Variants in TLN2 observed in about 807,000 individuals in gnomAD.
The protein encoded by TLN2 is talin 2.
In TLN2, 118 loss-of-function variants were observed where a neutral mutation model predicts 294.7. The observed-to-expected ratio is 0.40, with a 90% CI of 0.34 to 0.47. TLN2 has a LOEUF of 0.47. TLN2 is among the 20% of genes least tolerant of loss of function. TLN2 has a pLI of 0.84. For missense variants in TLN2, 3,083 were observed against 3,282.2 expected (o/e 0.94, Z 1.48); for synonymous variants, 1,431 against 1,304.5 (o/e 1.10, Z -2.09).
At chr15:62,589,806 A>C (rs896255884) in intron 2 of TLN2, 44 bp downstream of exon 2, 4 of 152,108 alleles carry the variant, frequency 2.6e-5, no homozygotes, top group African/African-American at 9.7e-5. Context: ...CAATTGGCCA[A>C]TCCCCTGCAT....
In TLN2 at chr15:62,843,655, G is replaced by C. The variant is rs1486022900; in HGVS notation, c.*3045G>C. The C allele has an allele frequency of 6.6e-6, 1 of 152,298 alleles. No individual in the cohort carries two copies. The highest frequency in any genetic ancestry group is 2.4e-5 in the African/African-American group (1 of 41,474). 9.4% of individuals were successfully genotyped at this position (152,298 alleles called of 1,614,324 possible). A position where few individuals can be genotyped will look rare whatever the true frequency, so the allele number is the denominator to read the frequency against. Reference sequence around the variant, plus strand: ...ACCTGCTTGCTTTCTGGCTGTCTTAGTCAGTGTGTTTACAGGCAACTAAAG... The same window carrying C: ...ACCTGCTTGCTTTCTGGCTGTCTTACTCAGTGTGTTTACAGGCAACTAAAG... On this transcript the variant is annotated 3_prime_UTR_variant, in exon 59 of 59. Transcript: ENST00000636159.
chr15:62,677,252 C>A (rs1025652259), intron 11 of TLN2, among the ~76,000 whole-genome samples: 1 of 152,202 alleles, frequency 6.6e-6, no homozygotes, highest in Non-Finnish European at 1.5e-5. Flanking sequence ...TTCATCATGT[C>A]CACTGATAAT....
chr15:62,739,333 G>C lies in TLN2; in HGVS notation c.3688-15G>C. The stretch of plus-strand genomic sequence containing the variant: ...AGCAGAATGTCTCATGGGGTGTGCC[G>C]TCTGTTCCCCACAGCTACCTCCAAG... On this transcript the variant is annotated splice_polypyrimidine_tract_variant and intron_variant, in intron 30 of 58. Transcript: ENST00000636159. 6.2e-7 allele frequency: 1 copy of C among 1,608,984 alleles called. No homozygotes were observed. Among genetic ancestry groups the C allele is most frequent in the Non-Finnish European group, 8.5e-7 (1 of 1,177,374 alleles).
intron 1 of TLN2, among the ~76,000 whole-genome samples, chr15:62,488,872 A>G (rs745924644): frequency 6.6e-6 from 1 of 152,206 alleles, no homozygotes; most frequent in Non-Finnish European, 1.5e-5. Flanking sequence ...GGTTAAATAT[A>G]TAAATATAGG....
At chr15:62,502,674 A>G (rs1052974610) in intron 1 of TLN2, among the ~76,000 whole-genome samples, 1 of 152,188 alleles carries the variant, frequency 6.6e-6, no homozygotes, top group Non-Finnish European at 1.5e-5. Flanking sequence ...TGGCCTGGCT[A>G]GGGGAGAGGA....
chr15:62,711,082 G>A (rs1051144892), intron 21 of TLN2, among the ~76,000 whole-genome samples: 1 of 152,040 alleles, frequency 6.6e-6, no homozygotes, highest in Admixed American at 6.6e-5. Context: ...AGTGAATTGA[G>A]CACATTTTTA....
intron 36 of TLN2, chr15:62,754,275 T>A: frequency 6.2e-6 from 1 of 161,878 alleles, no homozygotes. Flanking sequence ...TGGCTCTTAG[T>A]GTGTTAGGCA....
At chr15:62,713,967 T>C (rs1332113013) in intron 22 of TLN2, among the ~76,000 whole-genome samples, 2 of 148,336 alleles carry the variant, frequency 1.3e-5, no homozygotes, top group Non-Finnish European at 3.0e-5. Flanking sequence ...TTTTATGTAG[T>C]AGTTGAATTT....
chr15:62,760,579 G>C (rs2062597886), intron 37 of TLN2, among the ~76,000 whole-genome samples: 1 of 152,164 alleles, frequency 6.6e-6, no homozygotes, highest in East Asian at 1.9e-4. Context: ...TTTGCTGGGA[G>C]GGAGGGTTTC....
chr15:62,824,969 C>T (rs1458061681), intron 54 of TLN2, among the ~76,000 whole-genome samples: 1 of 152,228 alleles, frequency 6.6e-6, no homozygotes, highest in Admixed American at 6.5e-5. Flanking sequence ...CTTCCCCTTA[C>T]TGTGTCTAGA....
At chr15:62,716,245 A>G (rs540575292) in intron 22 of TLN2, 86 bp from the exon 23 acceptor site, 251 of 1,341,752 alleles carry the variant, frequency 1.9e-4, no homozygotes, top group Middle Eastern at 1.1e-3. Flanking sequence ...AATGCTTTCT[A>G]TTACTAAGAA....
At chr15:62,768,256 G>C (rs1001679523) in intron 41 of TLN2, among the ~76,000 whole-genome samples, 28 of 152,192 alleles carry the variant, frequency 1.8e-4, no homozygotes, top group African/African-American at 6.8e-4. Context: ...CTAAAATCAG[G>C]TGGTGGCAGG....
intron 1 of TLN2, among the ~76,000 whole-genome samples, chr15:62,562,468 T>TG (rs1484537253): frequency 6.6e-6 from 1 of 152,188 alleles, no homozygotes; most frequent in Non-Finnish European, 1.5e-5. Flanking sequence ...GCCTGTCTGA[T>TG]GCAGCCTCCC....
intron 54 of TLN2, 73 bp downstream of exon 54, chr15:62,820,683 G>A: frequency 1.3e-6 from 2 of 1,561,076 alleles, no homozygotes; most frequent in Non-Finnish European, 1.7e-6. Flanking sequence ...AATGGAGCTA[G>A]GAGTGCTGCA....
intron 1 of TLN2, among the ~76,000 whole-genome samples, chr15:62,410,370 G>C (rs1035582648): frequency 5.3e-5 from 8 of 152,006 alleles, no homozygotes; most frequent in South Asian, 4.1e-4. Context: ...ACTGCAGCAA[G>C]ATTTACAGGC....
intron 3 of TLN2, among the ~76,000 whole-genome samples, chr15:62,645,841 A>G (rs1237692564): frequency 6.6e-6 from 1 of 152,226 alleles, no homozygotes; most frequent in South Asian, 2.1e-4. Flanking sequence ...GCTACTAACT[A>G]TAAAGGGCCT....
rs376729549 is a variant in TLN2, at chr15:62,810,003, T to C, written c.6742T>C (p.Tyr2248His). Residue 2248 changes from tyrosine to histidine, a missense_variant, in exon 52 of 59, where the codon TAC (tyrosine) becomes CAC (histidine). Transcript: ENST00000636159. The part of the protein sequence containing the change: ...LRFGTECTLG[Y>H]LDLLEHVLVI... ...TTTCGGGACGGAGTGCACCCTTGGC[T>C]ACTTGGACCTCCTGGAGCACGTCTT... 4.8e-5 allele frequency: 78 copies of C among 1,613,926 alleles called. No homozygotes were observed. The highest frequency in any genetic ancestry group is 6.3e-5 in the Non-Finnish European group (74 of 1,180,006).
intron 38 of TLN2, 26 bp from the exon 39 acceptor site, chr15:62,762,244 CTT>C (rs1432749609): frequency 6.2e-7 from 1 of 1,613,076 alleles, no homozygotes; most frequent in East Asian, 2.2e-5. Flanking sequence ...TCGACCCTGA[CTT>C]TGATTTCTCT....
intron 52 of TLN2, 72 bp from the exon 53 acceptor site, chr15:62,819,444 G>A (rs1161827971): frequency 6.3e-6 from 8 of 1,269,112 alleles, no homozygotes; most frequent in Non-Finnish European, 9.2e-6. Flanking sequence ...CATCCAGCAA[G>A]AGGAGTGTGC....
Sources: gnomAD v4.1 joint callset for allele counts (sites outside exome capture counted in the v4.1 genomes callset) on GRCh38, gnomAD v4.1.1 for gene constraint, MANE v1.5 for transcripts, NCBI Gene and HGNC (gene_info 2026-07-23, HGNC 2026-07-21) for gene names.